Variants in EIF5A2 observed in about 807,000 individuals in gnomAD.
EIF5A2 encodes the protein eukaryotic translation initiation factor 5A2, also known as eukaryotic translation initiation factor 5A-2.
A neutral mutation model predicts 16.4 loss-of-function variants in EIF5A2; 15 were observed. The observed-to-expected ratio is 0.92, with a 90% CI of 0.61 to 1.41. The LOEUF is 1.41. Among genes scored for constraint, EIF5A2 ranks in the 40% most tolerant of loss-of-function variants. EIF5A2 has a pLI of 0.00. For synonymous variants in EIF5A2, 48 were observed against 61.1 expected, an observed-to-expected ratio of 0.79 and a Z score of 1.00; for missense variants, 144 against 189.5, an observed-to-expected ratio of 0.76 and a Z score of 1.41.
At chr3:170,908,390 G>A (rs115014374) in intron 1 of EIF5A2, among the ~76,000 whole-genome samples, 153 bp downstream of exon 1, 5,980 of 152,176 alleles carry the variant, frequency 0.039, 313 homozygotes, top group African/African-American at 0.12. Context: ...TAGGGCCTGA[G>A]CCCCGGCGGG....
At chr3:170,898,580 C>G (rs547329029) in intron 3 of EIF5A2, among the ~76,000 whole-genome samples, 36 of 152,230 alleles carry the variant, frequency 2.4e-4, no homozygotes, top group Admixed American at 1.6e-3. Context: ...TTGTAAGTTT[C>G]CTGAGGCCTC....
At chr3:170,901,226 T>G (rs1712805295) in intron 3 of EIF5A2, among the ~76,000 whole-genome samples, 1 of 152,204 alleles carries the variant, frequency 6.6e-6, no homozygotes, top group Non-Finnish European at 1.5e-5. Flanking sequence ...ACACTGGTAA[T>G]TGTTGAAGCT....
chr3:170,894,408 C>T lies in EIF5A2; in HGVS notation c.286G>A (p.Asp96Asn), dbSNP rs759272108. 2.5e-6 allele frequency: 4 copies of T among 1,613,926 alleles called. No individual in the cohort carries two copies. The highest frequency in any genetic ancestry group is 1.7e-4 in the Middle Eastern group (1 of 6,060). Reference sequence around the variant, plus strand: ...TCTGTCAGCAGGGAAAGGTAACCATCTTGAATGCATATCAGCTATTAGAAG... The same window carrying T: ...TCTGTCAGCAGGGAAAGGTAACCATTTTGAATGCATATCAGCTATTAGAAG... ...RNDYQLICIQ[D>N]GYLSLLTETG... The change falls in exon 4 of 5, where the codon GAT (aspartate) becomes AAT (asparagine). Residue 96 changes from aspartate (D) to asparagine (N), a missense_variant. Coordinates refer to ENST00000295822, the MANE Select transcript of EIF5A2 (RefSeq NM_020390.6).
At chr3:170,908,239 C>G (rs945707984) in intron 1 of EIF5A2, among the ~76,000 whole-genome samples, 1 of 152,322 alleles carries the variant, frequency 6.6e-6, no homozygotes, top group East Asian at 1.9e-4. Context: ...TGCGGGGTAA[C>G]AGAACCTGGC....
intron 2 of EIF5A2, among the ~76,000 whole-genome samples, 154 bp from the exon 3 acceptor site, chr3:170,907,247 T>C (rs1712958170): frequency 6.6e-6 from 1 of 152,192 alleles, no homozygotes; most frequent in African/African-American, 2.4e-5. Flanking sequence ...GTAGTGGTCT[T>C]ACAATTAAGA....
intron 2 of EIF5A2, 50 bp downstream of exon 2, chr3:170,907,591 TG>T (rs1165586493): frequency 6.7e-7 from 1 of 1,484,430 alleles, no homozygotes; most frequent in Admixed American, 2.1e-5. Context: ...GGAATACAAA[TG>T]ATCAAAGTCC....
At chr3:170,902,749 C>T (rs1207081845) in intron 3 of EIF5A2, among the ~76,000 whole-genome samples, 2 of 151,832 alleles carry the variant, frequency 1.3e-5, no homozygotes, top group African/African-American at 2.4e-5. Flanking sequence ...GCTGGGATTA[C>T]AGGCATGCAC....
At chr3:170,894,157 C>T (rs557134113) in intron 4 of EIF5A2, 135 bp downstream of exon 4, 1 of 999,998 alleles carries the variant, frequency 1.0e-6, no homozygotes, top group South Asian at 1.9e-5. Context: ...TATGGAAAAC[C>T]TGCCTGAGAG....
At chr3:170,907,236 T>C in intron 2 of EIF5A2, 143 bp from the exon 3 acceptor site, 1 of 559,512 alleles carries the variant, frequency 1.8e-6, no homozygotes, top group Non-Finnish European at 3.0e-6. Context: ...TAAAAAAAAA[T>C]GTAGTGGTCT....
At chr3:170,907,606 C>A (rs776380010) in intron 2 of EIF5A2, 36 bp downstream of exon 2, 2 of 1,532,818 alleles carry the variant, frequency 1.3e-6, no homozygotes, top group South Asian at 2.5e-5. Context: ...AAAGTCCCAA[C>A]GCCGAAGCCA....
Position 170,891,429 on chromosome 3 carries a change from G to C in EIF5A2, c.*1931C>G, listed in dbSNP as rs1023156321. The C allele has an allele frequency of 1.3e-5, 2 of 152,582 alleles. No individual in the cohort carries two copies. Among genetic ancestry groups the C allele is most frequent in the African/African-American group, 2.4e-5 (1 of 41,442 alleles). 9.5% of individuals were successfully genotyped at this position (152,582 alleles called of 1,614,324 possible). ...ACTAACTACTACCTCACTATTTCTT[G>C]TGCTTTAGAAATTTCCTTTGTATTT... On this transcript the variant is annotated 3_prime_UTR_variant, in exon 5 of 5. Coordinates refer to ENST00000295822, the MANE Select transcript of EIF5A2 (RefSeq NM_020390.6).
intron 3 of EIF5A2, among the ~76,000 whole-genome samples, chr3:170,905,000 T>C (rs377416000): frequency 2.6e-5 from 4 of 152,178 alleles, no homozygotes; most frequent in Admixed American, 6.5e-5. Flanking sequence ...CATCCTCTTA[T>C]CCACTTTGCA....
chr3:170,906,686 T>G (rs1408264384), intron 3 of EIF5A2, among the ~76,000 whole-genome samples: 13 of 152,184 alleles, frequency 8.5e-5, no homozygotes, highest in Non-Finnish European at 1.5e-5. Flanking sequence ...ACAGAGAGAA[T>G]AGTACTTTTA....
chr3:170,903,993 A>G (rs1271278916), intron 3 of EIF5A2, among the ~76,000 whole-genome samples: 2 of 152,244 alleles, frequency 1.3e-5, no homozygotes, highest in Non-Finnish European at 2.9e-5. Flanking sequence ...AACGGCATTT[A>G]ACTTGTGGTG....
chr3:170,906,817 A>C (rs535880240), intron 3 of EIF5A2, among the ~76,000 whole-genome samples, 172 bp downstream of exon 3: 1 of 152,334 alleles, frequency 6.6e-6, no homozygotes, highest in South Asian at 2.1e-4. Flanking sequence ...ATCCTAGAAA[A>C]GTACATGTGT....
chr3:170,892,268 A>C lies in EIF5A2; in HGVS notation c.*1092T>G, dbSNP rs1712552881. 6.6e-6 allele frequency: 1 copy of C among 152,182 alleles called. No homozygotes were observed. The highest frequency in any genetic ancestry group is 1.5e-5 in the Non-Finnish European group (1 of 68,044). The allele number at this position is 152,182 out of a possible 1,614,324, so 9.4% of individuals were successfully genotyped here. A position where few individuals can be genotyped will look rare whatever the true frequency, so the allele number is the denominator to read the frequency against. ...ATGGTGAAACCCCATCTCTACTAAAATACACAAAAAAGTAGCTGGGCGTGG... is the reference window on the plus strand; with the variant it reads ...ATGGTGAAACCCCATCTCTACTAAACTACACAAAAAAGTAGCTGGGCGTGG... On this transcript the variant is annotated 3_prime_UTR_variant, in exon 5 of 5. Transcript: ENST00000295822.
chr3:170,897,422 G>A (rs1165549500), intron 3 of EIF5A2, among the ~76,000 whole-genome samples: 2 of 152,184 alleles, frequency 1.3e-5, no homozygotes, highest in African/African-American at 4.8e-5. Context: ...TGGTTTCATG[G>A]GCCAGGCCCA....
In EIF5A2 at chr3:170,892,828, G is replaced by A. The variant is rs1712569041; in HGVS notation, c.*532C>T. 2.5e-6 allele frequency: 1 copy of A among 398,914 alleles called. No individual in the cohort carries two copies. Among genetic ancestry groups the A allele is most frequent in the Admixed American group, 4.4e-5 (1 of 22,720 alleles). The allele number at this position is 398,914 out of a possible 1,614,324, so 24.7% of individuals were successfully genotyped here. A position where few individuals can be genotyped will look rare whatever the true frequency, so the allele number is the denominator to read the frequency against. On this transcript the variant is annotated 3_prime_UTR_variant, in exon 5 of 5. Coordinates refer to ENST00000295822, the MANE Select transcript of EIF5A2 (RefSeq NM_020390.6). Reference sequence around the variant, plus strand: ...GTATGACCAAAGTAATCACATGGTTGCATGTGGCCACCAAAATAACTGACA... The same window carrying A: ...GTATGACCAAAGTAATCACATGGTTACATGTGGCCACCAAAATAACTGACA...
intron 3 of EIF5A2, among the ~76,000 whole-genome samples, chr3:170,902,027 T>C (rs1217578767): frequency 6.6e-6 from 1 of 152,070 alleles, no homozygotes; most frequent in African/African-American, 2.4e-5. Flanking sequence ...GCCACACAAC[T>C]GGGAACGCAC....
Sources: gnomAD v4.1 joint callset for allele counts (sites outside exome capture counted in the v4.1 genomes callset) on GRCh38, gnomAD v4.1.1 for gene constraint, MANE v1.5 for transcripts, NCBI Gene and HGNC (gene_info 2026-07-23, HGNC 2026-07-21) for gene names.